Variants in RPAP1 observed in about 807,000 individuals in gnomAD.
The protein encoded by RPAP1 is RNA polymerase II associated protein 1, also known as RNA polymerase II-associated protein 1.
In RPAP1, 109 loss-of-function variants were observed where a neutral mutation model predicts 142.4. That is an observed-to-expected ratio of 0.77 (90% confidence interval 0.66 to 0.90). RPAP1 has a LOEUF of 0.90. RPAP1 is among the 40% of genes least tolerant of loss of function. The pLI is 0.00. For missense variants in RPAP1, 1,546 were observed against 1,751.7 expected (o/e 0.88, Z 2.10); for synonymous variants, 704 against 738.9 (o/e 0.95, Z 0.77).
chr15:41,522,449 G>C, intron 19 of RPAP1, 199 bp from the exon 20 acceptor site: 2 of 610,832 alleles, frequency 3.3e-6, no homozygotes, highest in Middle Eastern at 4.4e-4. Context: ...GCAGTGCAAT[G>C]GTGTGATCTC....
At chr15:41,523,748 G>C in intron 17 of RPAP1, 23 bp downstream of exon 17, 1 of 1,568,768 alleles carries the variant, frequency 6.4e-7, no homozygotes, top group South Asian at 1.2e-5. Context: ...GGGCCTGGTG[G>C]ACAGCCGGCA....
At position 41,520,516 on chromosome 15, in the gene RPAP1, C is replaced by T. The variant is rs377451240; in HGVS notation, c.3670G>A (p.Gly1224Arg). The T allele has an allele frequency of 3.1e-6, 5 of 1,613,978 alleles. No individual in the cohort carries two copies. The highest frequency in any genetic ancestry group is 1.3e-5 in the African/African-American group (1 of 74,912). Reference sequence around the variant, plus strand: ...ACCAGGGCCCCAAAGAGGTGGTCCCCAAAAGAGACAGCCTCAAAATGATCC... The same window carrying T: ...ACCAGGGCCCCAAAGAGGTGGTCCCTAAAAGAGACAGCCTCAAAATGATCC... ...FLDHFEAVSFGDHLFGALVLL... is the reference protein window; with the variant it reads ...FLDHFEAVSFRDHLFGALVLL... Residue 1224 changes from glycine to arginine, a missense_variant, in exon 22 of 25, where the codon GGG (glycine) becomes AGG (arginine). Physicochemically the swap from Gly to Arg is moderately radical, Grantham distance 125. Coordinates refer to ENST00000304330, the MANE Select transcript of RPAP1 (RefSeq NM_015540.4).
chr15:41,542,483 G>A (rs1403610973), intron 1 of RPAP1, among the ~76,000 whole-genome samples: 1 of 152,164 alleles, frequency 6.6e-6, no homozygotes, highest in Non-Finnish European at 1.5e-5. Context: ...GATGAAGTGA[G>A]CAAAGACCTG....
chr15:41,539,088 A>G (rs554205708), intron 1 of RPAP1, among the ~76,000 whole-genome samples: 2 of 152,244 alleles, frequency 1.3e-5, no homozygotes, highest in South Asian at 4.1e-4. Flanking sequence ...CCTTGTGAAT[A>G]TACTAAAAGC....
At chr15:41,543,645 T>C (rs2051992392) in intron 1 of RPAP1, among the ~76,000 whole-genome samples, 1 of 152,202 alleles carries the variant, frequency 6.6e-6, no homozygotes, top group African/African-American at 2.4e-5. Flanking sequence ...CTTATATAAA[T>C]AAACCTCAGT....
chr15:41,527,927 C>CT lies in RPAP1; in HGVS notation c.1360dup (p.Arg454LysfsTer23), dbSNP rs778904273. 1.2e-6 allele frequency: 2 copies of CT among 1,614,106 alleles called. No individual in the cohort carries two copies. The highest frequency in any genetic ancestry group is 2.2e-5 in the South Asian group (2 of 91,078). ...GGCGGTTGCAATGACCCCATCCACT[C>CT]TGTCATCCAAGGAGAAGCGCAGTAG... On this transcript the variant is annotated frameshift_variant, in exon 11 of 25. Coordinates refer to ENST00000304330, the MANE Select transcript of RPAP1 (RefSeq NM_015540.4). LOFTEE classifies it high-confidence loss of function.
At position 41,520,014 on chromosome 15, in the gene RPAP1, G is replaced by C. The variant is rs548654227; in HGVS notation, c.3795+377C>G. ...AGTGGCGCGATCTCGGCTCACTGTA[G>C]CCTCCGCTTCCCGGGTTCAAGCGAT... On this transcript the variant is annotated intron_variant, in intron 22 of 24. Coordinates refer to ENST00000304330, the MANE Select transcript of RPAP1 (RefSeq NM_015540.4). The C allele has an allele frequency of 2.7e-5, 7 of 257,532 alleles. No homozygotes were observed. In the East Asian group the frequency reaches 6.9e-4, roughly 25 times the overall value. The allele number at this position is 257,532 out of a possible 1,614,324, so 16.0% of individuals were successfully genotyped here.
At position 41,531,182 on chromosome 15, in the gene RPAP1, A is replaced by T. The variant is rs372032711; in HGVS notation, c.784T>A (p.Leu262Met). 6.2e-7 allele frequency: 1 copy of T among 1,612,308 alleles called. No homozygotes were observed. Among genetic ancestry groups the T allele is most frequent in the Non-Finnish European group, 8.5e-7 (1 of 1,178,580 alleles). ...TCTTGCGTGTGGCTGTGAGATCTCA[A>T]GAAAGCAACCAAGCTGGGGTCTAGA... is the stretch of plus-strand genomic sequence containing the variant. ...AQLDPSLVAFLRSHSHTQEQT... is the reference protein window; with the variant it reads ...AQLDPSLVAFMRSHSHTQEQT... The change falls in exon 7 of 25, where the codon TTG becomes ATG. Residue 262 changes from leucine (L) to methionine (M), a missense_variant. Physicochemically the swap from Leu to Met is conservative, Grantham distance 15. Coordinates refer to ENST00000304330, the MANE Select transcript of RPAP1 (RefSeq NM_015540.4).
At chr15:41,537,241 C>T in intron 1 of RPAP1, 40 bp from the exon 2 acceptor site, 1 of 1,007,834 alleles carries the variant, frequency 9.9e-7, no homozygotes, top group Admixed American at 2.7e-5. Flanking sequence ...GCAACTGAAC[C>T]CTGATTCTCT....
rs1306361094 is a variant in RPAP1 at position 41,523,800 on chromosome 15, C to T, written c.2407G>A (p.Gly803Arg). 8 of 1,606,956 alleles carry T rather than the reference C, an allele frequency of 5.0e-6. No homozygotes were observed. The highest frequency in any genetic ancestry group is 3.4e-5 in the Admixed American group (2 of 59,118). ...PVPVACLLFL[G>R]AYYQAWSQQP... ...TGGCTCCAGGCCTGGTAGTAGGCTC[C>T]CAGGAACAACAGGCAGGCAACGGGC... is the stretch of plus-strand genomic sequence containing the variant. The change falls in exon 17 of 25, where the codon GGA becomes AGA. Residue 803 changes from glycine to arginine, a missense_variant. Gly to Arg is a moderately radical substitution (Grantham distance 125). This residue lies in a region of RPAP1 where 1,333 missense variants were observed against 1,486.6 expected (regional missense o/e 0.90). Coordinates refer to ENST00000304330, the MANE Select transcript of RPAP1 (RefSeq NM_015540.4).
At chr15:41,521,194 C>T in intron 21 of RPAP1, 47 bp from the exon 22 acceptor site, 1 of 1,501,648 alleles carries the variant, frequency 6.7e-7, no homozygotes, top group Non-Finnish European at 8.9e-7. Flanking sequence ...AACCACAGCA[C>T]TTGGAGGCTG....
At chr15:41,538,044 C>T (rs904424009) in intron 1 of RPAP1, among the ~76,000 whole-genome samples, 1 of 152,260 alleles carries the variant, frequency 6.6e-6, no homozygotes, top group Non-Finnish European at 1.5e-5. Context: ...GAGATCAAGA[C>T]CATCCTGGTT....
At chr15:41,523,676 G>T in intron 17 of RPAP1, 95 bp downstream of exon 17, 1 of 1,020,878 alleles carries the variant, frequency 9.8e-7, no homozygotes, top group Non-Finnish European at 1.5e-6. Context: ...GGGGAAGTAG[G>T]AGTGGAGAGA....
intron 22 of RPAP1, 198 bp downstream of exon 22, chr15:41,520,193 C>G: frequency 1.6e-6 from 1 of 628,324 alleles, no homozygotes; most frequent in Non-Finnish European, 2.7e-6. Context: ...CTCAGCTTCC[C>G]AGAGTGATGG....
intron 7 of RPAP1, among the ~76,000 whole-genome samples, chr15:41,530,434 T>C (rs1422944805): frequency 6.6e-6 from 1 of 152,176 alleles, no homozygotes; most frequent in South Asian, 2.1e-4. Context: ...ATTTTCCTCC[T>C]TCACGCCTAC....
At chr15:41,530,036 G>T in intron 7 of RPAP1, 57 bp from the exon 8 acceptor site, 1 of 1,380,842 alleles carries the variant, frequency 7.2e-7, no homozygotes, top group East Asian at 2.4e-5. Context: ...TATCCACAGG[G>T]GTCCCCACCA....
chr15:41,537,898 A>C (rs977863751), intron 1 of RPAP1, among the ~76,000 whole-genome samples: 9 of 151,716 alleles, frequency 5.9e-5, no homozygotes, highest in Non-Finnish European at 1.0e-4. Context: ...AAAAAAAAAA[A>C]AATTGTATGT....
chr15:41,535,583 G>C lies in RPAP1; in HGVS notation c.470C>G (p.Ala157Gly). 6.2e-7 allele frequency: 1 copy of C among 1,613,834 alleles called. No homozygotes were observed. Among genetic ancestry groups the C allele is most frequent in the East Asian group, 2.2e-5 (1 of 44,856 alleles). The change falls in exon 5 of 25, where the codon GCG (alanine) becomes GGG (glycine). Residue 157 changes from alanine (A) to glycine (G), a missense_variant. By Grantham distance (60) the Ala-to-Gly change is moderately conservative. Coordinates refer to ENST00000304330, the MANE Select transcript of RPAP1 (RefSeq NM_015540.4). ...GKRSIFAQEI[A>G]ARRIAEAKGP... ...CTTGGCTTCAGCTATCCTCCTTGCCGCAATTTCCTGGGCAAAGATGCTTCT... is the reference window on the plus strand; with the variant it reads ...CTTGGCTTCAGCTATCCTCCTTGCCCCAATTTCCTGGGCAAAGATGCTTCT...
intron 6 of RPAP1, chr15:41,533,300 T>C (rs904287895): frequency 1.3e-5 from 2 of 150,570 alleles, no homozygotes; most frequent in African/African-American, 2.4e-5. Context: ...TGAGACCCCA[T>C]CTCTACTGAA....
Sources: gnomAD v4.1 joint callset for allele counts (sites outside exome capture counted in the v4.1 genomes callset) on GRCh38, gnomAD v4.1.1 for gene constraint, gnomAD v4.1.1 regional missense constraint, MANE v1.5 for transcripts, NCBI Gene and HGNC (gene_info 2026-07-23, HGNC 2026-07-21) for gene names.